The following KCNT2 variants were observed in gnomAD, a reference collection of about 807,000 sequenced individuals.
The protein encoded by KCNT2 is potassium channel subfamily T member 2.
Under a neutral mutation model 153.8 loss-of-function variants are expected in KCNT2, and 67 were observed. That is an observed-to-expected ratio of 0.44 (90% CI 0.36 to 0.53). The LOEUF (loss-of-function observed/expected upper bound fraction) is 0.53, where lower values mean the gene tolerates loss of function less well. Among genes scored for constraint, KCNT2 ranks in the 20% least tolerant of loss-of-function variants. The probability of loss-of-function intolerance (pLI) is 0.00; values close to 1 mark genes in which losing one functional copy is unlikely to be tolerated. For missense variants in KCNT2, 975 were observed against 1,354.8 expected (o/e 0.72, Z 4.40); for synonymous variants, 500 against 458.8 (o/e 1.09, Z -1.15).
chr1:196,313,524 T>C (rs980393300), intron 21 of KCNT2, among the ~76,000 whole-genome samples: 4 of 151,492 alleles, frequency 2.6e-5, no homozygotes, highest in Non-Finnish European at 5.9e-5. Flanking sequence ...ATCTGTAAAA[T>C]GCAACTCCCA....
chr1:196,253,778 T>C (rs1238641392), intron 26 of KCNT2, among the ~76,000 whole-genome samples: 1 of 151,544 alleles, frequency 6.6e-6, no homozygotes, highest in Non-Finnish European at 1.5e-5. Context: ...GTTGACTATT[T>C]ATACTCAACC....
intron 26 of KCNT2, among the ~76,000 whole-genome samples, chr1:196,249,852 A>G (rs1052733624): frequency 2.0e-5 from 3 of 152,152 alleles, no homozygotes; most frequent in Non-Finnish European, 4.4e-5. Context: ...TCCCATTTAC[A>G]ATAGCCACAA....
chr1:196,272,088 T>C (rs576304559), intron 25 of KCNT2, among the ~76,000 whole-genome samples: 1 of 152,068 alleles, frequency 6.6e-6, no homozygotes, highest in African/African-American at 2.4e-5. Flanking sequence ...ATAGCCAAAG[T>C]TCAGGCACAG....
At chr1:196,506,209 A>C (rs1333074165) in intron 1 of KCNT2, among the ~76,000 whole-genome samples, 2 of 152,214 alleles carry the variant, frequency 1.3e-5, no homozygotes, top group Admixed American at 6.5e-5. Context: ...TCTGATAACT[A>C]TTCTCTGTAA....
chr1:196,301,962 A>T (rs11802442), intron 22 of KCNT2, among the ~76,000 whole-genome samples: 3,102 of 152,038 alleles, frequency 0.02, 90 homozygotes, highest in African/African-American at 0.07. Flanking sequence ...CTGGTCTCGA[A>T]CTCCTGACTT....
chr1:196,265,896 C>G (rs2147808778), intron 25 of KCNT2, among the ~76,000 whole-genome samples: 1 of 152,266 alleles, frequency 6.6e-6, no homozygotes, highest in African/African-American at 2.4e-5. Flanking sequence ...CCATTGCCAT[C>G]AGGGAGGCCC....
rs115555505 is a variant in KCNT2 at position 196,426,754 on chromosome 1, C to T, written c.985-766G>A. Among the ~76,000 whole-genome samples the T allele has an allele frequency of 9.5e-3, 1,436 of 151,640 alleles. 22 individuals are homozygous for T. The highest frequency in any genetic ancestry group is 0.033 in the African/African-American group (1,361 of 41,334). On this transcript the variant is annotated intron_variant, in intron 10 of 27. Transcript: ENST00000294725. ...GTTTGGATTTGCGTCCCTGTCCAAACCTCATGTTAAATTATAATTCCAAAT... is the reference window on the plus strand; with the variant it reads ...GTTTGGATTTGCGTCCCTGTCCAAATCTCATGTTAAATTATAATTCCAAAT...
chr1:196,481,259 G>T (rs568701494), intron 4 of KCNT2, among the ~76,000 whole-genome samples: 170 of 152,248 alleles, frequency 1.1e-3, no homozygotes, highest in Non-Finnish European at 1.9e-3. Flanking sequence ...TCGTGACTTT[G>T]AAAGACATGT....
At chr1:196,459,767 G>A (rs555900265) in intron 8 of KCNT2, among the ~76,000 whole-genome samples, 3 of 151,878 alleles carry the variant, frequency 2.0e-5, no homozygotes, top group East Asian at 1.9e-4. Context: ...GAAGATGCAC[G>A]GCTAAACTTT....
chr1:196,522,020 A>G (rs1653499646), intron 1 of KCNT2, among the ~76,000 whole-genome samples: 3 of 136,810 alleles, frequency 2.2e-5, no homozygotes, highest in Admixed American at 2.1e-4. Context: ...ATTCATAAGT[A>G]ATTAATTAAT....
intron 1 of KCNT2, among the ~76,000 whole-genome samples, chr1:196,545,561 A>G (rs770219454): frequency 6.6e-5 from 10 of 152,048 alleles, no homozygotes; most frequent in Non-Finnish European, 1.0e-4. Context: ...TTTGCCGTAT[A>G]ATTTATATAG....
chr1:196,544,306 A>G (rs1051748221), intron 1 of KCNT2, among the ~76,000 whole-genome samples: 2 of 151,812 alleles, frequency 1.3e-5, no homozygotes, highest in African/African-American at 4.8e-5. Flanking sequence ...AAATATATAT[A>G]TTTAATTATA....
At chr1:196,367,249 A>G (rs553096709) in intron 14 of KCNT2, among the ~76,000 whole-genome samples, 30 of 152,152 alleles carry the variant, frequency 2.0e-4, no homozygotes, top group Non-Finnish European at 4.1e-4. Flanking sequence ...TCATGTAGTA[A>G]CTATACCATA....
At chr1:196,556,228 A>G (rs1658640135) in intron 1 of KCNT2, among the ~76,000 whole-genome samples, 1 of 151,588 alleles carries the variant, frequency 6.6e-6, no homozygotes, top group African/African-American at 2.4e-5. Context: ...ACAGAATGGG[A>G]GAAAGTATTT....
chr1:196,435,580 A>G (rs1351302672), intron 8 of KCNT2, among the ~76,000 whole-genome samples: 1 of 151,724 alleles, frequency 6.6e-6, no homozygotes, highest in African/African-American at 2.4e-5. Context: ...ACGTATTTCA[A>G]AAGTTTTTAT....
At chr1:196,422,317 T>C (rs1158045172) in intron 12 of KCNT2, among the ~76,000 whole-genome samples, 1 of 151,944 alleles carries the variant, frequency 6.6e-6, no homozygotes, top group Non-Finnish European at 1.5e-5. Flanking sequence ...CCATTCTCTA[T>C]AGAAACCACC....
intron 1 of KCNT2, among the ~76,000 whole-genome samples, chr1:196,567,350 G>A (rs149341689): frequency 5.7e-4 from 87 of 152,278 alleles, no homozygotes; most frequent in Non-Finnish European, 8.4e-4. Context: ...CAAGGGCAAA[G>A]ATCAAATGTC....
intron 14 of KCNT2, among the ~76,000 whole-genome samples, chr1:196,362,745 TAA>T (rs1335169379): frequency 6.6e-6 from 1 of 152,150 alleles, no homozygotes; most frequent in African/African-American, 2.4e-5. Flanking sequence ...CTTGAAATTT[TAA>T]AGAGTTTCAG....
intron 13 of KCNT2, among the ~76,000 whole-genome samples, chr1:196,388,039 G>A (rs1051157980): frequency 1.3e-5 from 2 of 149,724 alleles, no homozygotes; most frequent in Non-Finnish European, 1.5e-5. Context: ...TAGATATGTT[G>A]TAGTCTCACT....
Sources: gnomAD v4.1 joint callset for allele counts (sites outside exome capture counted in the v4.1 genomes callset) on GRCh38, gnomAD v4.1.1 for gene constraint, MANE v1.5 for transcripts, NCBI Gene and HGNC (gene_info 2026-07-23, HGNC 2026-07-21) for gene names.